Variants in FSTL5 observed in about 807,000 individuals in gnomAD.
FSTL5 encodes follistatin like 5.
FSTL5 carries 62 observed loss-of-function variants against 89.1 expected under a neutral mutation model. The observed-to-expected ratio is 0.70, with a 90% CI of 0.57 to 0.86. FSTL5 has a LOEUF of 0.86. Among genes scored for constraint, FSTL5 ranks in the 40% least tolerant of loss-of-function variants. The pLI is 0.00. For synonymous variants in FSTL5, 383 were observed against 346.2 expected (o/e 1.11, Z -1.18); for missense variants, 1,057 against 1,001.6 (o/e 1.06, Z -0.75).
At chr4:162,131,956 A>G (rs981446794) in intron 1 of FSTL5, among the ~76,000 whole-genome samples, 2 of 152,224 alleles carry the variant, frequency 1.3e-5, no homozygotes, top group Non-Finnish European at 2.9e-5. Flanking sequence ...AGATCCAAGA[A>G]TCTACAATTT....
intron 7 of FSTL5, among the ~76,000 whole-genome samples, chr4:161,650,787 G>A (rs751174041): frequency 5.1e-4 from 78 of 152,126 alleles, no homozygotes; most frequent in Non-Finnish European, 1.0e-4. Flanking sequence ...TGACTTATGT[G>A]TTGAATTTAG....
At chr4:161,481,992 C>G (rs1475335207) in intron 12 of FSTL5, among the ~76,000 whole-genome samples, 3 of 152,108 alleles carry the variant, frequency 2.0e-5, no homozygotes. Context: ...GTTAGGAAAA[C>G]CACTAATAAG....
chr4:162,035,449 A>C (rs1280091205), intron 2 of FSTL5: 1 of 152,070 alleles, frequency 6.6e-6, no homozygotes, highest in Non-Finnish European at 1.5e-5. Context: ...CCTAGGGGAG[A>C]AAAAAATTTC....
chr4:161,631,635 A>T (rs1168182058), intron 7 of FSTL5, among the ~76,000 whole-genome samples: 7 of 152,134 alleles, frequency 4.6e-5, no homozygotes, highest in Non-Finnish European at 7.4e-5. Context: ...TTAATAAATA[A>T]TTCAGATGAC....
intron 1 of FSTL5, among the ~76,000 whole-genome samples, chr4:162,133,480 T>C (rs149532371): frequency 9.8e-5 from 15 of 152,322 alleles, no homozygotes; most frequent in African/African-American, 3.6e-4. Flanking sequence ...CAATGCTTTC[T>C]TTCTCTTCTC....
intron 4 of FSTL5, among the ~76,000 whole-genome samples, chr4:161,880,712 T>C (rs1241040382): frequency 6.6e-6 from 1 of 152,130 alleles, no homozygotes; most frequent in Admixed American, 6.6e-5. Context: ...CACTCAACAA[T>C]GCAAAGAAAC....
At chr4:161,412,167 G>T (rs1311339769) in intron 15 of FSTL5, among the ~76,000 whole-genome samples, 1 of 151,964 alleles carries the variant, frequency 6.6e-6, no homozygotes, top group Non-Finnish European at 1.5e-5. Flanking sequence ...AGAACTAGAA[G>T]ACTGCTGAAA....
intron 4 of FSTL5, among the ~76,000 whole-genome samples, chr4:161,792,002 A>C (rs1372954474): frequency 6.6e-6 from 1 of 152,162 alleles, no homozygotes. Context: ...CCGCACTGCC[A>C]GGCACAGCTA....
At chr4:161,915,059 G>A (rs991406560) in intron 4 of FSTL5, among the ~76,000 whole-genome samples, 1 of 152,156 alleles carries the variant, frequency 6.6e-6, no homozygotes. Context: ...TGCACTAGAT[G>A]GGAAGCCTCT....
intron 2 of FSTL5, chr4:162,035,092 G>A (rs1737679640): frequency 6.6e-6 from 1 of 152,090 alleles, no homozygotes. Flanking sequence ...ATTTGTTAAT[G>A]AGAATCTCTC....
intron 1 of FSTL5, among the ~76,000 whole-genome samples, chr4:162,152,284 T>G (rs560761970): frequency 6.6e-6 from 1 of 152,308 alleles, no homozygotes; most frequent in South Asian, 2.1e-4. Flanking sequence ...TTTTTAATGA[T>G]TTTTACTCCA....
intron 11 of FSTL5, among the ~76,000 whole-genome samples, chr4:161,509,196 G>A (rs181432011): frequency 9.9e-5 from 15 of 152,208 alleles, no homozygotes; most frequent in South Asian, 2.1e-4. Flanking sequence ...CCAGCTACTC[G>A]GGAGGCTAAG....
At chr4:161,813,384 C>T (rs984069833) in intron 4 of FSTL5, among the ~76,000 whole-genome samples, 1 of 152,004 alleles carries the variant, frequency 6.6e-6, no homozygotes, top group African/African-American at 2.4e-5. Context: ...AATCAACATA[C>T]TAACCTGGTA....
At chr4:162,127,156 T>C (rs758532075) in intron 1 of FSTL5, among the ~76,000 whole-genome samples, 5 of 152,182 alleles carry the variant, frequency 3.3e-5, no homozygotes, top group Non-Finnish European at 7.4e-5. Context: ...GAAAGTTGTC[T>C]TCCCCATTTT....
chr4:161,757,889 G>C (rs1206642085), intron 6 of FSTL5, among the ~76,000 whole-genome samples: 2 of 152,110 alleles, frequency 1.3e-5, no homozygotes, highest in African/African-American at 2.4e-5. Context: ...AAAGTGCTGG[G>C]ATTACAGGCA....
chr4:161,871,523 T>C (rs555501130), intron 4 of FSTL5, among the ~76,000 whole-genome samples: 1 of 152,238 alleles, frequency 6.6e-6, no homozygotes, highest in South Asian at 2.1e-4. Context: ...CTAGTTTCAT[T>C]TTATGGATAA....
chr4:161,716,599 A>AAAAT (rs1480336486), intron 6 of FSTL5, among the ~76,000 whole-genome samples: 20 of 152,118 alleles, frequency 1.3e-4, no homozygotes, highest in Non-Finnish European at 2.9e-5. Flanking sequence ...CCTGTCTCAA[A>AAAAT]AAATAAATAA....
In FSTL5 at chr4:161,476,188, TG is replaced by T. The variant is rs199890240; in HGVS notation, c.1608+4831del. 4.4e-3 allele frequency among the ~76,000 whole-genome samples: 305 copies of T among 69,896 alleles called. 12 individuals are homozygous for T. Among genetic ancestry groups the T allele is most frequent in the South Asian group, 0.018 (40 of 2,284 alleles). The allele number at this position is 69,896 out of a possible 152,430, so 45.9% of individuals were successfully genotyped here. On this transcript the variant is annotated intron_variant, in intron 13 of 15. Transcript: ENST00000306100. ...AAGTTTGCTGGTTTTTTTTTTTTTT[TG>T]TTTGTTTGTTTTTTTGAGAAAGAGT...
chr4:162,112,463 C>A (rs903064470), intron 1 of FSTL5, among the ~76,000 whole-genome samples: 12 of 151,866 alleles, frequency 7.9e-5, no homozygotes, highest in Non-Finnish European at 1.2e-4. Context: ...CCAGGCTAGT[C>A]TTGAACTCCT....
Sources: gnomAD v4.1 joint callset for allele counts (sites outside exome capture counted in the v4.1 genomes callset) on GRCh38, gnomAD v4.1.1 for gene constraint, MANE v1.5 for transcripts, NCBI Gene and HGNC (gene_info 2026-07-23, HGNC 2026-07-21) for gene names.